Variants in RYR2 observed in about 807,000 individuals in gnomAD.
The protein encoded by RYR2 is ryanodine receptor 2, also known as cardiac muscle ryanodine receptor-calcium release channel.
RYR2 carries 227 observed loss-of-function variants against 601.1 expected under a neutral mutation model. That is an observed-to-expected ratio of 0.38 (90% CI 0.34 to 0.42). The LOEUF (loss-of-function observed/expected upper bound fraction) is 0.42, where lower values mean the gene tolerates loss of function less well. Among genes scored for constraint, RYR2 ranks in the 10% least tolerant of loss-of-function variants. The pLI is 1.00. For missense variants in RYR2, 4,646 were observed against 6,156.5 expected (o/e 0.75, Z 8.21); for synonymous variants, 2,223 against 2,175.1 (o/e 1.02, Z -0.61).
chr1:237,800,268 A>G (rs1174201255), intron 97 of RYR2, among the ~76,000 whole-genome samples: 1 of 152,222 alleles, frequency 6.6e-6, no homozygotes, highest in Non-Finnish European at 1.5e-5. Flanking sequence ...GCTCCCATGC[A>G]AACTACTACA....
At chr1:237,078,715 C>T (rs1222205883) in intron 1 of RYR2, among the ~76,000 whole-genome samples, 2 of 135,112 alleles carry the variant, frequency 1.5e-5, no homozygotes, top group Admixed American at 7.7e-5. Flanking sequence ...GGAACTGGCA[C>T]CATTCCTTCT....
At chr1:237,646,148 A>T (rs947344435) in intron 48 of RYR2, among the ~76,000 whole-genome samples, 1 of 152,016 alleles carries the variant, frequency 6.6e-6, no homozygotes, top group African/African-American at 2.4e-5. Flanking sequence ...AAGTGCTGGG[A>T]TTACAGGTGT....
chr1:237,493,450 A>G (rs1663638249), intron 19 of RYR2, among the ~76,000 whole-genome samples: 1 of 151,774 alleles, frequency 6.6e-6, no homozygotes, highest in Non-Finnish European at 1.5e-5. Flanking sequence ...CTTCAATATC[A>G]TTGTTTTTTT....
At chr1:237,068,272 A>G (rs1006284331) in intron 1 of RYR2, among the ~76,000 whole-genome samples, 2 of 152,196 alleles carry the variant, frequency 1.3e-5, no homozygotes, top group Admixed American at 1.3e-4. Flanking sequence ...TGGGGTTATC[A>G]AAATACAGCC....
chr1:237,492,298 C>T (rs1663448043), intron 18 of RYR2, among the ~76,000 whole-genome samples: 1 of 152,212 alleles, frequency 6.6e-6, no homozygotes. Flanking sequence ...TCCCAAAATT[C>T]TGGGATTACA....
intron 3 of RYR2, among the ~76,000 whole-genome samples, chr1:237,334,521 A>G (rs889144547): frequency 6.6e-6 from 1 of 151,642 alleles, no homozygotes; most frequent in Non-Finnish European, 1.5e-5. Context: ...TTTAGCTTTT[A>G]TTCTTATTAA....
intron 87 of RYR2, among the ~76,000 whole-genome samples, chr1:237,777,850 C>T (rs1694789663): frequency 6.6e-6 from 1 of 152,164 alleles, no homozygotes; most frequent in Admixed American, 6.5e-5. Context: ...GGTGGGGGCA[C>T]TTTTATAAGG....
chr1:237,422,235 T>C (rs1205868501), intron 11 of RYR2, among the ~76,000 whole-genome samples: 1 of 152,208 alleles, frequency 6.6e-6, no homozygotes, highest in African/African-American at 2.4e-5. Flanking sequence ...AAGTCATTTA[T>C]TTATTTTTAA....
intron 1 of RYR2, among the ~76,000 whole-genome samples, chr1:237,079,822 TC>T (rs1665409403): frequency 1.5e-5 from 2 of 137,858 alleles, no homozygotes; most frequent in African/African-American, 6.7e-5. Context: ...CATTGCCAAG[TC>T]AATCCTAAGC....
rs781478740 is a variant in RYR2 at position 237,783,804 on chromosome 1, C to A, written c.12092C>A (p.Thr4031Asn). 8.7e-6 allele frequency: 14 copies of A among 1,613,714 alleles called. No homozygotes were observed. In the South Asian group the frequency reaches 1.5e-4, roughly 18 times the overall value. ...CTAAAGGATTTGACGTCGTCTGATA[C>A]TTTTAAAGAATATGACCCCGATGGC... Reference protein sequence around the residue: ...LKLKDLTSSDTFKEYDPDGKG... With the variant: ...LKLKDLTSSDNFKEYDPDGKG... Residue 4031 changes from threonine (T) to asparagine (N), a missense_variant, in exon 90 of 105, where the codon ACT becomes AAT. Thr to Asn is a moderately conservative substitution (Grantham distance 65). Coordinates refer to ENST00000366574, the MANE Select transcript of RYR2 (RefSeq NM_001035.3).
chr1:237,359,819 A>G (rs1322634102), intron 4 of RYR2, among the ~76,000 whole-genome samples: 1 of 152,194 alleles, frequency 6.6e-6, no homozygotes, highest in Non-Finnish European at 1.5e-5. Context: ...ACTGGATAAG[A>G]AAGTAACTAA....
At chr1:237,432,532 A>AT (rs1455754432) in intron 12 of RYR2, among the ~76,000 whole-genome samples, 2 of 152,170 alleles carry the variant, frequency 1.3e-5, no homozygotes, top group East Asian at 3.9e-4. Context: ...AGGGATGGAC[A>AT]TTTTTTATGC....
rs1037783140 is a variant in RYR2, at chr1:237,445,539, A to T, written c.1292+17A>T. 6.2e-7 allele frequency: 1 copy of T among 1,612,634 alleles called. No homozygotes were observed. Among genetic ancestry groups the T allele is most frequent in the Non-Finnish European group, 8.5e-7 (1 of 1,179,216 alleles). On this transcript the variant is annotated intron_variant, in intron 14 of 104. Coordinates refer to ENST00000366574, the MANE Select transcript of RYR2 (RefSeq NM_001035.3). ...ATTTATAAGGTACTTTTTCTTTTGT[A>T]GGCGTAGTTGTTTGATACTTCATTT...
chr1:237,430,434 G>A (rs921921785), intron 12 of RYR2, among the ~76,000 whole-genome samples: 3 of 151,814 alleles, frequency 2.0e-5, no homozygotes, highest in Non-Finnish European at 4.4e-5. Flanking sequence ...AAATATTTTT[G>A]TAATTAAAAA....
intron 54 of RYR2, among the ~76,000 whole-genome samples, chr1:237,659,693 T>A (rs961702374): frequency 2.0e-5 from 3 of 152,194 alleles, no homozygotes; most frequent in African/African-American, 7.2e-5. Flanking sequence ...GAAGATCAAG[T>A]GCTTCTAATC....
chr1:237,448,610 C>A (rs540243073), intron 14 of RYR2, among the ~76,000 whole-genome samples: 75 of 152,102 alleles, frequency 4.9e-4, no homozygotes, highest in African/African-American at 1.7e-3. Flanking sequence ...TTGTGGATAT[C>A]TCTGTTTCTC....
chr1:237,469,271 A>AC (rs1660433602), intron 17 of RYR2, 84 bp downstream of exon 17: 4 of 794,328 alleles, frequency 5.0e-6, no homozygotes, highest in East Asian at 7.8e-5. Flanking sequence ...AAAAAAAAAA[A>AC]AAAAAAAACA....
chr1:237,293,976 A>C lies in RYR2; in HGVS notation c.168+23360A>C, dbSNP rs149431438. On this transcript the variant is annotated intron_variant, in intron 2 of 104. Transcript: ENST00000366574. ...CTTAAAGTTCTGACCCCCCAGTTGC[A>C]TTGTTGCTTCCCCTGGCAACCAGCC... is the stretch of plus-strand genomic sequence containing the variant. 5.7e-4 allele frequency among the ~76,000 whole-genome samples: 87 copies of C among 152,196 alleles called. 1 individual carries two copies. The East Asian group carries it at 0.016, about 27-fold the overall frequency.
chr1:237,273,698 C>G (rs551889187), intron 2 of RYR2, among the ~76,000 whole-genome samples: 1 of 151,390 alleles, frequency 6.6e-6, no homozygotes, highest in East Asian at 1.9e-4. Context: ...TAACTTTCAC[C>G]AGAGATAAAT....
Sources: gnomAD v4.1 joint callset for allele counts (sites outside exome capture counted in the v4.1 genomes callset) on GRCh38, gnomAD v4.1.1 for gene constraint, MANE v1.5 for transcripts, NCBI Gene and HGNC (gene_info 2026-07-23, HGNC 2026-07-21) for gene names.